Variants in SLC12A2 observed in about 807,000 individuals in gnomAD.
SLC12A2 encodes Na-K-2Cl cotransporter 1.
In SLC12A2, 67 loss-of-function variants were observed where a neutral mutation model predicts 136.3. The ratio of observed to expected loss-of-function variants is 0.49; its 90% CI spans 0.40 to 0.60. SLC12A2 has a LOEUF of 0.60. Among genes scored for constraint, SLC12A2 ranks in the 20% least tolerant of loss-of-function variants. The probability of loss-of-function intolerance (pLI) is 0.00; values close to 1 mark genes in which losing one functional copy is unlikely to be tolerated. For missense variants in SLC12A2, 1,322 were observed against 1,534.7 expected (o/e 0.86, Z 2.32); for synonymous variants, 619 against 562.9 (o/e 1.10, Z -1.41).
At position 128,135,723 on chromosome 5, in the gene SLC12A2, C is replaced by T. The variant is rs1762167596; in HGVS notation, c.1323C>T (p.Ile441=). Residue 441 remains isoleucine, a synonymous_variant, in exon 7 of 27, where the codon ATC becomes ATT. Coordinates refer to ENST00000262461, the MANE Select transcript of SLC12A2 (RefSeq NM_001046.3). ...EAKAQIVLLV[I]LLLAIGDFVI... ...AGGCTCAGATTGTTCTTTTGGTGAT[C>T]CTACTTCTTGCTATTGGTGATTTCG... The T allele has an allele frequency of 6.2e-7, 1 of 1,610,120 alleles. No homozygotes were observed. Among genetic ancestry groups the T allele is most frequent in the South Asian group, 1.1e-5 (1 of 90,702 alleles).
chr5:128,179,909 T>C (rs2126756358), intron 22 of SLC12A2, among the ~76,000 whole-genome samples: 1 of 148,942 alleles, frequency 6.7e-6, no homozygotes, highest in African/African-American at 2.5e-5. Flanking sequence ...GAATCCTCCT[T>C]AGGCTCATTT....
At chr5:128,109,667 A>C in intron 1 of SLC12A2, 1 of 922,784 alleles carries the variant, frequency 1.1e-6, no homozygotes, top group Non-Finnish European at 1.8e-6. Flanking sequence ...GAATAGCTTC[A>C]CATCTTCTCC....
At chr5:128,129,268 CAT>C (rs1235897585) in intron 4 of SLC12A2, among the ~76,000 whole-genome samples, 1 of 151,920 alleles carries the variant, frequency 6.6e-6, no homozygotes, top group Non-Finnish European at 1.5e-5. Flanking sequence ...ATTTTTAAAA[CAT>C]ACGTTAGATA....
rs187404407 is a variant in SLC12A2 at position 128,165,842 on chromosome 5, A to G, written c.2617-1919A>G. On this transcript the variant is annotated intron_variant, in intron 17 of 26. Coordinates refer to ENST00000262461, the MANE Select transcript of SLC12A2 (RefSeq NM_001046.3). ...ACCCTGACAGTATTTTGCACCATTAAGAAGGTACTGGTTATCTTATGGCTT... is the reference window on the plus strand; with the variant it reads ...ACCCTGACAGTATTTTGCACCATTAGGAAGGTACTGGTTATCTTATGGCTT... Among the ~76,000 whole-genome samples, 104 of 151,602 alleles carry G rather than the reference A, an allele frequency of 6.9e-4. 1 individual carries two copies. The highest frequency in any genetic ancestry group is 1.1e-3 in the Non-Finnish European group (75 of 67,902).
At position 128,083,848 on chromosome 5, in the gene SLC12A2, T is replaced by A. The variant is rs982689457; in HGVS notation, c.-107T>A. ...GCCCGCAGGCGGCGGGGAGAAAGAC[T>A]CTCTCACCTGGTCTTGCGGCTGTGG... On this transcript the variant is annotated 5_prime_UTR_variant, in exon 1 of 27. Transcript: ENST00000262461. The A allele has an allele frequency of 9.5e-6, 8 of 840,774 alleles. No individual in the cohort carries two copies. In the African/African-American group the frequency reaches 1.1e-4, roughly 11 times the overall value. 52.1% of individuals were successfully genotyped at this position (840,774 alleles called of 1,614,324 possible). A position where few individuals can be genotyped will look rare whatever the true frequency, so the allele number is the denominator to read the frequency against.
rs780776869 is a variant in SLC12A2 at position 128,147,625 on chromosome 5, A to C, written c.1777A>C (p.Met593Leu). Reference protein sequence around the residue: ...SYGLMNNFQVMSMVSGFTPLI... With the variant: ...SYGLMNNFQVLSMVSGFTPLI... ...ATTTTTGTCACTTTTATTTAAGGTA[A>C]TGAGTATGGTGTCAGGATTTACACC... Residue 593 changes from methionine to leucine, a missense_variant, in exon 11 of 27, where the codon ATG becomes CTG. Met to Leu is a conservative substitution (Grantham distance 15, BLOSUM62 2). Transcript: ENST00000262461. The C allele has an allele frequency of 3.8e-6, 6 of 1,592,886 alleles. No homozygotes were observed. The highest frequency in any genetic ancestry group is 4.3e-6 in the Non-Finnish European group (5 of 1,162,896).
In SLC12A2 at chr5:128,114,215, C is replaced by T. The variant is rs1182184225; in HGVS notation, c.880C>T (p.Arg294Cys). The T allele has an allele frequency of 1.9e-6, 3 of 1,611,220 alleles. No individual in the cohort carries two copies. The highest frequency in any genetic ancestry group is 2.5e-6 in the Non-Finnish European group (3 of 1,178,008). ...KFGWIKGVLV[R>C]CMLNIWGVML... ...TGGCCTCTTTTTCCCTCTTTAGGTA[C>T]GTTGTATGTTAAACATTTGGGGTGT... The change falls in exon 3 of 27, where the codon CGT becomes TGT. Residue 294 changes from arginine (R) to cysteine (C), a missense_variant. Transcript: ENST00000262461.
Position 128,084,056 on chromosome 5 carries a change from GC to G in SLC12A2, c.105del (p.Gly36AlafsTer106). 1 of 1,302,666 alleles carries G rather than the reference GC, an allele frequency of 7.7e-7. No individual in the cohort carries two copies. Among genetic ancestry groups the G allele is most frequent in the Admixed American group, 3.8e-5 (1 of 26,004 alleles). 80.7% of individuals were successfully genotyped at this position (1,302,666 alleles called of 1,614,324 possible). ...AALAAARVEL[P>X]GTAVPSVPED... is the part of the protein sequence containing the mutation. ...CGCTGGCCGCAGCCAGGGTGGAACTGCCCGGCACGGCTGTGCCCTCGGTGCC... is the reference window on the plus strand; with the variant it reads ...CGCTGGCCGCAGCCAGGGTGGAACTGCCGGCACGGCTGTGCCCTCGGTGCC... On this transcript the variant is annotated frameshift_variant, in exon 1 of 27. Coordinates refer to ENST00000262461, the MANE Select transcript of SLC12A2 (RefSeq NM_001046.3). LOFTEE classifies it high-confidence loss of function. The surrounding 1 kb of genome is among the most constrained non-coding windows in gnomAD (Gnocchi z 5.6).
At position 128,085,070 on chromosome 5, in the gene SLC12A2, C is replaced by A. The variant is rs531079303; in HGVS notation, c.756+360C>A. Among the ~76,000 whole-genome samples the A allele has an allele frequency of 4.6e-5, 7 of 151,270 alleles. No individual in the cohort carries two copies. In the East Asian group the frequency reaches 9.7e-4, roughly 21 times the overall value. ...AGGAGAATGTGCAGTGAGGATCTCT[C>A]GAGAGAGGTTGGAGAGCACCTACCA... On this transcript the variant is annotated intron_variant, in intron 1 of 26. Transcript: ENST00000262461.
At chr5:128,176,953 G>A (rs1334632875) in intron 20 of SLC12A2, 152 bp from the exon 21 acceptor site, 2 of 473,080 alleles carry the variant, frequency 4.2e-6, no homozygotes, top group Non-Finnish European at 7.3e-6. Flanking sequence ...AACACTCAGT[G>A]CAGAAAATAT....
At chr5:128,122,564 C>T (rs369267523) in intron 4 of SLC12A2, among the ~76,000 whole-genome samples, 1 of 152,066 alleles carries the variant, frequency 6.6e-6, no homozygotes, top group Non-Finnish European at 1.5e-5. Context: ...GCAGATTCTG[C>T]TTGTGAATTT....
At chr5:128,139,029 TG>T in intron 9 of SLC12A2, 121 bp downstream of exon 9, 1 of 705,382 alleles carries the variant, frequency 1.4e-6, no homozygotes, top group Non-Finnish European at 2.4e-6. Flanking sequence ...TAAAAAGACA[TG>T]GAGTTGCTCA....
intron 19 of SLC12A2, 87 bp downstream of exon 19, chr5:128,171,833 G>A (rs1027301833): frequency 1.9e-5 from 15 of 775,254 alleles, no homozygotes; most frequent in South Asian, 1.1e-4. Flanking sequence ...TGGGCTCTTC[G>A]TTACTTTTAA....
intron 4 of SLC12A2, among the ~76,000 whole-genome samples, chr5:128,130,307 G>A (rs1761968010): frequency 6.6e-6 from 1 of 152,026 alleles, no homozygotes; most frequent in South Asian, 2.1e-4. Context: ...CTGAGGTCAG[G>A]AGATTGAGAC....
chr5:128,118,026 C>A (rs377560337), intron 4 of SLC12A2, among the ~76,000 whole-genome samples: 1 of 152,064 alleles, frequency 6.6e-6, no homozygotes, highest in Non-Finnish European at 1.5e-5. Flanking sequence ...TACCATCTTA[C>A]TCCTGCAGGA....
chr5:128,131,161 T>A lies in SLC12A2; in HGVS notation c.1143T>A (p.Ala381=). 6.2e-7 allele frequency: 1 copy of A among 1,614,202 alleles called. No individual in the cohort carries two copies. Among genetic ancestry groups the A allele is most frequent in the Non-Finnish European group, 8.5e-7 (1 of 1,180,028 alleles). ...CCTTTGCCAACGCTGTTGCAGTTGC[T>A]ATGTATGTGGTTGGATTTGCAGAAA... ...IFAFANAVAV[A]MYVVGFAETV... Residue 381 remains alanine, a synonymous_variant, in exon 5 of 27, where the codon GCT becomes GCA. Coordinates refer to ENST00000262461, the MANE Select transcript of SLC12A2 (RefSeq NM_001046.3).
At chr5:128,100,679 T>A (rs1760711560) in intron 1 of SLC12A2, among the ~76,000 whole-genome samples, 2 of 152,162 alleles carry the variant, frequency 1.3e-5, no homozygotes, top group Non-Finnish European at 2.9e-5. Flanking sequence ...ATACTGCTTT[T>A]CCAGTGTTTT....
At chr5:128,176,452 G>T (rs1229569984) in intron 20 of SLC12A2, among the ~76,000 whole-genome samples, 1 of 151,874 alleles carries the variant, frequency 6.6e-6, no homozygotes, top group Admixed American at 6.6e-5. Context: ...GGAACAAAAT[G>T]AGATTAGGAA....
intron 1 of SLC12A2, among the ~76,000 whole-genome samples, chr5:128,096,782 A>G (rs1375122432): frequency 6.6e-6 from 1 of 152,056 alleles, no homozygotes; most frequent in African/African-American, 2.4e-5. Flanking sequence ...ATCAGAAACA[A>G]ATTTAAGAAA....
Sources: allele counts gnomAD v4.1 joint callset (sites outside exome capture counted in the v4.1 genomes callset), GRCh38; gene constraint gnomAD v4.1.1; non-coding constraint Gnocchi (gnomAD v3.1); transcripts MANE v1.5; gene names NCBI Gene and HGNC (gene_info 2026-07-23, HGNC 2026-07-21).